SDK1: variants seen among roughly 807,000 people sequenced by gnomAD.
SDK1 encodes the protein protein sidekick-1.
Under a neutral mutation model 245.5 loss-of-function variants are expected in SDK1, and 157 were observed. The ratio of observed to expected loss-of-function variants is 0.64; its 90% CI spans 0.56 to 0.73. SDK1 has a LOEUF of 0.73. Among genes scored for constraint, SDK1 ranks in the 30% least tolerant of loss-of-function variants. The pLI is 0.00. For synonymous variants in SDK1, 1,647 were observed against 1,278.5 expected (o/e 1.29, Z -6.15); for missense variants, 3,583 against 3,002.3 (o/e 1.19, Z -4.52).
intron 5 of SDK1, among the ~76,000 whole-genome samples, chr7:3,934,475 C>G (rs1474274858): frequency 2.0e-5 from 3 of 152,190 alleles, no homozygotes; most frequent in Admixed American, 1.3e-4. Flanking sequence ...CACAAACATC[C>G]CAGAGCTTTC....
chr7:4,086,363 A>C, intron 22 of SDK1, among the ~76,000 whole-genome samples: 1 of 152,184 alleles, frequency 6.6e-6, no homozygotes, highest in East Asian at 1.9e-4. Flanking sequence ...CTAGTTCTGC[A>C]GGTCAGAAGT....
In SDK1 at chr7:4,086,267, G is replaced by A. The variant is rs865787129; in HGVS notation, c.3324+6683G>A. ...TATGTAGCTAGTCCTCTGCTGACACGCATTGGGATGTGTATTAGTATTATA... is the reference window on the plus strand; with the variant it reads ...TATGTAGCTAGTCCTCTGCTGACACACATTGGGATGTGTATTAGTATTATA... On this transcript the variant is annotated intron_variant, in intron 22 of 44. Transcript: ENST00000404826. 4.6e-5 allele frequency among the ~76,000 whole-genome samples: 7 copies of A among 152,122 alleles called. No individual in the cohort carries two copies. In the South Asian group the frequency reaches 6.2e-4, roughly 14 times the overall value.
chr7:3,553,927 G>A (rs989454578), intron 1 of SDK1, among the ~76,000 whole-genome samples: 1 of 152,150 alleles, frequency 6.6e-6, no homozygotes, highest in Non-Finnish European at 1.5e-5. Flanking sequence ...GCCCCCATCA[G>A]AACCAGACAA....
chr7:4,179,827 G>C (rs1782486242), intron 35 of SDK1, among the ~76,000 whole-genome samples: 1 of 151,930 alleles, frequency 6.6e-6, no homozygotes, highest in South Asian at 2.1e-4. Flanking sequence ...TTGTATTCGG[G>C]TGACTGGGCC....
At chr7:3,989,938 G>A (rs999665368) in intron 14 of SDK1, among the ~76,000 whole-genome samples, 32 of 152,318 alleles carry the variant, frequency 2.1e-4, no homozygotes, top group Non-Finnish European at 3.7e-4. Context: ...GTCACATGGC[G>A]ATGGGAGGGG....
intron 1 of SDK1, among the ~76,000 whole-genome samples, chr7:3,606,907 A>T (rs767432812): frequency 2.0e-5 from 3 of 152,220 alleles, no homozygotes; most frequent in Non-Finnish European, 4.4e-5. Context: ...GTTATGTACA[A>T]CACTGAAAAA....
At chr7:3,386,522 C>A (rs1050747049) in intron 1 of SDK1, among the ~76,000 whole-genome samples, 1 of 152,190 alleles carries the variant, frequency 6.6e-6, no homozygotes, top group Non-Finnish European at 1.5e-5. Flanking sequence ...CTAGGCTACT[C>A]ATGATGTTTG....
chr7:3,936,710 AC>A lies in SDK1; in HGVS notation c.848-14209del, dbSNP rs759683733. On this transcript the variant is annotated intron_variant, in intron 5 of 44. Transcript: ENST00000404826. Reference sequence around the variant, plus strand: ...TGGTATTTTATGTTTTGTGTATTTAACCCCAATGGGGGGAAAAAAAGAAGTA... The same window carrying A: ...TGGTATTTTATGTTTTGTGTATTTAACCCAATGGGGGGAAAAAAAGAAGTA... 3.3e-5 allele frequency among the ~76,000 whole-genome samples: 5 copies of A among 152,302 alleles called. 1 individual carries two copies. In the East Asian group the frequency reaches 7.7e-4, roughly 24 times the overall value.
In SDK1 at chr7:3,554,858, A is replaced by G. The variant is rs538845682; in HGVS notation, c.299-64222A>G. Reference sequence around the variant, plus strand: ...TTTACAATAGCTACAAAAAAATACTAGGAATTAAGTTAACCAGAGAAGTGA... The same window carrying G: ...TTTACAATAGCTACAAAAAAATACTGGGAATTAAGTTAACCAGAGAAGTGA... On this transcript the variant is annotated intron_variant, in intron 1 of 44. Coordinates refer to ENST00000404826, the MANE Select transcript of SDK1 (RefSeq NM_152744.4). 7.2e-5 allele frequency among the ~76,000 whole-genome samples: 11 copies of G among 152,350 alleles called. No individual in the cohort carries two copies. The South Asian group carries it at 2.1e-3, about 29-fold the overall frequency.
chr7:3,942,320 C>T (rs1475614142), intron 5 of SDK1, among the ~76,000 whole-genome samples: 1 of 152,152 alleles, frequency 6.6e-6, no homozygotes, highest in Non-Finnish European at 1.5e-5. Flanking sequence ...CATGGACCAG[C>T]CCACCAGCAG....
At chr7:3,638,965 T>G in intron 2 of SDK1, 39 bp from the exon 3 acceptor site, 1 of 1,280,376 alleles carries the variant, frequency 7.8e-7, no homozygotes, top group Non-Finnish European at 1.1e-6. Flanking sequence ...CATGAAACAC[T>G]GGATATAAGC....
chr7:4,216,305 C>T (rs1421652700), intron 38 of SDK1, among the ~76,000 whole-genome samples: 1 of 152,136 alleles, frequency 6.6e-6, no homozygotes, highest in Non-Finnish European at 1.5e-5. Context: ...TTACACCATC[C>T]AGCCCTCACT....
At chr7:4,117,591 G>A (rs938243679) in intron 25 of SDK1, among the ~76,000 whole-genome samples, 8 of 152,222 alleles carry the variant, frequency 5.3e-5, no homozygotes, top group East Asian at 1.9e-4. Context: ...GGCTGGTGCC[G>A]CAGCTGCCCT....
rs1782260329 is a variant in SDK1 at position 3,630,589 on chromosome 7, T to C, written c.459-8415T>C. Among the ~76,000 whole-genome samples, 5 of 152,108 alleles carry C rather than the reference T, an allele frequency of 3.3e-5. No individual in the cohort carries two copies. In the South Asian group the frequency reaches 1.0e-3, roughly 32 times the overall value. ...AGGCAGAGATTGCAGTGAGCCGAGA[T>C]TGTGCCATTGCCCTCCAGCTTGGGT... On this transcript the variant is annotated intron_variant, in intron 2 of 44. Coordinates refer to ENST00000404826, the MANE Select transcript of SDK1 (RefSeq NM_152744.4).
At chr7:4,034,116 A>T (rs182602075) in intron 17 of SDK1, among the ~76,000 whole-genome samples, 36 of 152,342 alleles carry the variant, frequency 2.4e-4, no homozygotes, top group Admixed American at 2.2e-3. Context: ...CCTACGATGC[A>T]AGCCTGAATC....
chr7:3,360,024 C>T lies in SDK1; in HGVS notation c.298+58140C>T, dbSNP rs180716741. Among the ~76,000 whole-genome samples, 13 of 152,306 alleles carry T rather than the reference C, an allele frequency of 8.5e-5. No homozygotes were observed. The East Asian group carries it at 2.5e-3, about 29-fold the overall frequency. Reference sequence around the variant, plus strand: ...ACAACACTTTGTTTTGCTTCTGGTTCTGCCATTCTGCTGTCATCTTTGCAA... The same window carrying T: ...ACAACACTTTGTTTTGCTTCTGGTTTTGCCATTCTGCTGTCATCTTTGCAA... On this transcript the variant is annotated intron_variant, in intron 1 of 44. Coordinates refer to ENST00000404826, the MANE Select transcript of SDK1 (RefSeq NM_152744.4).
At chr7:3,472,471 C>T (rs372278577) in intron 1 of SDK1, among the ~76,000 whole-genome samples, 3 of 152,192 alleles carry the variant, frequency 2.0e-5, no homozygotes, top group East Asian at 1.9e-4. Flanking sequence ...GAAAACAATA[C>T]ATGGTGAAGA....
At chr7:4,023,242 C>G (rs10272877) in intron 17 of SDK1, among the ~76,000 whole-genome samples, 1 of 152,180 alleles carries the variant, frequency 6.6e-6, no homozygotes, top group Non-Finnish European at 1.5e-5. Flanking sequence ...CCTTCATCCA[C>G]CATCCCCCAT....
At chr7:3,744,879 A>G (rs1348070586) in intron 4 of SDK1, among the ~76,000 whole-genome samples, 1 of 152,172 alleles carries the variant, frequency 6.6e-6, no homozygotes, top group Non-Finnish European at 1.5e-5. Flanking sequence ...AAAACAAACA[A>G]AAATGTATAG....
Sources: allele counts gnomAD v4.1 joint callset (sites outside exome capture counted in the v4.1 genomes callset), GRCh38; gene constraint gnomAD v4.1.1; transcripts MANE v1.5; gene names NCBI Gene and HGNC (gene_info 2026-07-23, HGNC 2026-07-21).